Variants in SHISA9 observed in about 807,000 individuals in gnomAD.
SHISA9 encodes the protein protein shisa-9.
In SHISA9, 13 loss-of-function variants were observed where a neutral mutation model predicts 38.0. That is an observed-to-expected ratio of 0.34 (90% CI 0.22 to 0.54). The LOEUF is 0.54. Among genes scored for constraint, SHISA9 ranks in the 20% least tolerant of loss-of-function variants. SHISA9 has a pLI of 0.91. For synonymous variants in SHISA9, 275 were observed against 242.0 expected, an observed-to-expected ratio of 1.14 and a Z score of -1.27; for missense variants, 538 against 575.8, an observed-to-expected ratio of 0.93 and a Z score of 0.67.
At chr16:13,334,550 G>A in the SHISA9 span, among the ~76,000 whole-genome samples, 6 of 152,036 alleles carry the variant, frequency 3.9e-5, no homozygotes, top group Admixed American at 2.6e-4. Context: ...TGAGGTGGGA[G>A]GATCACAAGG....
chr16:13,264,944 C>A, the SHISA9 span, among the ~76,000 whole-genome samples: 1 of 149,532 alleles, frequency 6.7e-6, no homozygotes, highest in East Asian at 2.0e-4. Context: ...TCCTCCTTTT[C>A]TCGTCTTCTC....
intron 2 of SHISA9, among the ~76,000 whole-genome samples, chr16:13,076,911 C>G (rs978336877): frequency 1.3e-5 from 2 of 152,192 alleles, no homozygotes; most frequent in African/African-American, 4.8e-5. Flanking sequence ...CTAAATCACT[C>G]TGAGTGTCAT....
At chr16:13,000,049 T>C (rs749720587) in intron 2 of SHISA9, among the ~76,000 whole-genome samples, 10 of 152,248 alleles carry the variant, frequency 6.6e-5, no homozygotes, top group African/African-American at 1.2e-4. Context: ...CTCCCTTATA[T>C]TTCTCTATCA....
At position 12,988,966 on chromosome 16, in the gene SHISA9, T is replaced by C. The variant is rs774431682; in HGVS notation, c.691+72151T>C. Among the ~76,000 whole-genome samples, 103 of 152,338 alleles carry C rather than the reference T, an allele frequency of 6.8e-4. 1 individual carries two copies. Among genetic ancestry groups the C allele is most frequent in the Non-Finnish European group, 5.4e-4 (37 of 68,034 alleles). ...ATTTTATTTGCATAATTCCACTTAC[T>C]GTTTACCACTCTTTGCAATAAGCAC... On this transcript the variant is annotated intron_variant, in intron 2 of 4. Transcript: ENST00000558583.
intron 2 of SHISA9, among the ~76,000 whole-genome samples, chr16:13,169,924 C>T (rs1010563256): frequency 3.3e-5 from 5 of 152,014 alleles, no homozygotes; most frequent in Admixed American, 6.6e-5. Flanking sequence ...ATGTTCAGGC[C>T]GGGTGCGGTG....
At chr16:13,148,517 C>T (rs1158494387) in intron 2 of SHISA9, among the ~76,000 whole-genome samples, 2 of 152,092 alleles carry the variant, frequency 1.3e-5, no homozygotes, top group East Asian at 1.9e-4. Context: ...ACACTCATAT[C>T]GACACCATCT....
chr16:13,245,489 A>T, the SHISA9 span, among the ~76,000 whole-genome samples: 1 of 152,226 alleles, frequency 6.6e-6, no homozygotes, highest in Non-Finnish European at 1.5e-5. Flanking sequence ...AATAATAGAT[A>T]AAAAGACAGT....
the SHISA9 span, among the ~76,000 whole-genome samples, chr16:13,348,702 A>C: frequency 6.6e-6 from 1 of 151,920 alleles, no homozygotes; most frequent in African/African-American, 2.4e-5. Context: ...CATTGTGATC[A>C]GCTCTAGTCT....
chr16:13,299,669 C>T, the SHISA9 span, among the ~76,000 whole-genome samples: 5 of 150,642 alleles, frequency 3.3e-5, no homozygotes, highest in Middle Eastern at 6.9e-3. Flanking sequence ...GCAGAGATTG[C>T]ACCCCTGCAC....
At chr16:13,267,486 T>C in the SHISA9 span, among the ~76,000 whole-genome samples, 5 of 152,150 alleles carry the variant, frequency 3.3e-5, no homozygotes, top group Non-Finnish European at 7.3e-5. Flanking sequence ...AACTTGGCAA[T>C]GTATATCAAC....
At chr16:12,928,314 T>TTGTGTA (rs1555501022) in intron 2 of SHISA9, among the ~76,000 whole-genome samples, 1 of 150,934 alleles carries the variant, frequency 6.6e-6, no homozygotes, top group African/African-American at 2.4e-5. Flanking sequence ...CAGAGGTTGG[T>TTGTGTA]TGTGTGTGTG....
At chr16:13,382,527 T>C in the SHISA9 span, among the ~76,000 whole-genome samples, 1 of 106,330 alleles carries the variant, frequency 9.4e-6, no homozygotes, top group Non-Finnish European at 1.8e-5. Context: ...TGAAACTCCA[T>C]CTCAAAAAAA....
intron 4 of SHISA9, among the ~76,000 whole-genome samples, chr16:13,216,114 G>T (rs373299073): frequency 3.4e-4 from 52 of 151,242 alleles, no homozygotes; most frequent in African/African-American, 1.1e-3. Flanking sequence ...TTGAATCCGG[G>T]AGATGGAGTT....
the SHISA9 span, among the ~76,000 whole-genome samples, chr16:13,512,370 A>G: frequency 6.6e-6 from 1 of 152,182 alleles, no homozygotes; most frequent in Non-Finnish European, 1.5e-5. Flanking sequence ...GACACAAACA[A>G]ATGGAAAACT....
intron 2 of SHISA9, among the ~76,000 whole-genome samples, chr16:12,924,207 G>T (rs1052416760): frequency 6.6e-6 from 1 of 152,148 alleles, no homozygotes; most frequent in African/African-American, 2.4e-5. Flanking sequence ...TCCAAGAAAG[G>T]TGTGCATGAG....
At chr16:13,386,556 A>G in the SHISA9 span, among the ~76,000 whole-genome samples, 7 of 152,322 alleles carry the variant, frequency 4.6e-5, no homozygotes, top group East Asian at 1.2e-3. Context: ...AAATTAATAC[A>G]TATCAGTTTC....
the SHISA9 span, among the ~76,000 whole-genome samples, chr16:13,442,757 C>A: frequency 6.6e-6 from 1 of 151,998 alleles, no homozygotes; most frequent in Non-Finnish European, 1.5e-5. Flanking sequence ...AGTCTGAGAC[C>A]AACCTGGCCA....
At chr16:13,342,164 T>C in the SHISA9 span, among the ~76,000 whole-genome samples, 1 of 152,210 alleles carries the variant, frequency 6.6e-6, no homozygotes, top group Non-Finnish European at 1.5e-5. Flanking sequence ...CCTTCCACAC[T>C]ACTCATTTTT....
At chr16:13,025,227 A>G (rs1019064516) in intron 2 of SHISA9, among the ~76,000 whole-genome samples, 1 of 152,180 alleles carries the variant, frequency 6.6e-6, no homozygotes, top group Non-Finnish European at 1.5e-5. Flanking sequence ...ACTTTCCTCT[A>G]TCTTTCTAGA....
Sources: gnomAD v4.1 joint callset for allele counts (sites outside exome capture counted in the v4.1 genomes callset) on GRCh38, gnomAD v4.1.1 for gene constraint, MANE v1.5 for transcripts, NCBI Gene and HGNC (gene_info 2026-07-23, HGNC 2026-07-21) for gene names.